SLC9A1: variants seen among roughly 807,000 people sequenced by gnomAD.
The protein encoded by SLC9A1 is solute carrier family 9 member A1.
SLC9A1 carries 22 observed loss-of-function variants against 67.9 expected under a neutral mutation model. The observed-to-expected ratio is 0.32, with a 90% CI of 0.23 to 0.46. The LOEUF is 0.46. Ranked by LOEUF, SLC9A1 falls within the 20% of genes least tolerant of loss-of-function variation. The probability of loss-of-function intolerance (pLI) is 1.00; values close to 1 mark genes in which losing one functional copy is unlikely to be tolerated. For synonymous variants in SLC9A1, 421 were observed against 471.8 expected (o/e 0.89, Z 1.40); for missense variants, 686 against 1,094.8 (o/e 0.63, Z 5.27).
At chr1:27,132,568 G>A (rs997793831) in intron 1 of SLC9A1, among the ~76,000 whole-genome samples, 1 of 152,148 alleles carries the variant, frequency 6.6e-6, no homozygotes, top group Non-Finnish European at 1.5e-5. Context: ...TCCTCACAGG[G>A]TCAGGTGAGG....
chr1:27,122,468 TGA>T (rs2083310535), intron 1 of SLC9A1, among the ~76,000 whole-genome samples: 1 of 152,018 alleles, frequency 6.6e-6, no homozygotes, highest in Admixed American at 6.6e-5. Flanking sequence ...AGCCTGGAAA[TGA>T]GAGTGAACAG....
intron 1 of SLC9A1, among the ~76,000 whole-genome samples, chr1:27,131,947 A>AAAAAAAAAAATATATATAT: frequency 1.9e-5 from 1 of 52,120 alleles, no homozygotes; most frequent in African/African-American, 6.4e-5. Flanking sequence ...AGAAAAAAAA[A>AAAAAAAAAAATATATATAT]ATATATATAT....
chr1:27,147,299 C>CAAAAAAAAAAAAAAAAAAAAAAA (rs57583944), intron 1 of SLC9A1, among the ~76,000 whole-genome samples: 1 of 43,942 alleles, frequency 2.3e-5, no homozygotes, highest in African/African-American at 1.0e-4. Context: ...GACTCTGTCT[C>CAAAAAAAAAAAAAAAAAAAAAAA]AAAAAAAAAA....
In SLC9A1 at chr1:27,101,453, G is replaced by A. The variant is rs2083144121; in HGVS notation, c.2038-178C>T. 6.6e-6 allele frequency among the ~76,000 whole-genome samples: 1 copy of A among 152,048 alleles called. No homozygotes were observed. Among genetic ancestry groups the A allele is most frequent in the South Asian group, 2.1e-4 (1 of 4,818 alleles). On this transcript the variant is annotated intron_variant, in intron 10 of 11. Coordinates refer to ENST00000263980, the MANE Select transcript of SLC9A1 (RefSeq NM_003047.5). The surrounding 1 kb of genome is among the most constrained non-coding windows in gnomAD (Gnocchi z 4.9). ...AGGAGCTCCTAAGGGCTCATCCCAGGCTCCTGTCACAGCCTCCCTGAATAC... is the reference window on the plus strand; with the variant it reads ...AGGAGCTCCTAAGGGCTCATCCCAGACTCCTGTCACAGCCTCCCTGAATAC...
chr1:27,121,653 G>A (rs750006015), intron 1 of SLC9A1, among the ~76,000 whole-genome samples: 1 of 152,114 alleles, frequency 6.6e-6, no homozygotes, highest in Admixed American at 6.5e-5. Context: ...AGCAACCCTG[G>A]CACTGGGTTA....
chr1:27,112,802 T>C (rs542830191), intron 2 of SLC9A1, among the ~76,000 whole-genome samples: 1 of 149,142 alleles, frequency 6.7e-6, no homozygotes, highest in Admixed American at 6.8e-5. Flanking sequence ...GAGAATTGCT[T>C]GAACCTGGGA....
chr1:27,131,256 C>T (rs956158059), intron 1 of SLC9A1, among the ~76,000 whole-genome samples: 12 of 151,946 alleles, frequency 7.9e-5, no homozygotes, highest in African/African-American at 1.2e-4. Flanking sequence ...ATGGTTCTAA[C>T]GAGCCCTGTC....
chr1:27,102,133 G>A lies in SLC9A1; in HGVS notation c.1821-3C>T, dbSNP rs372588349. On this transcript the variant is annotated splice_polypyrimidine_tract_variant and splice_region_variant and intron_variant, in intron 8 of 11. Coordinates refer to ENST00000263980, the MANE Select transcript of SLC9A1 (RefSeq NM_003047.5). ...GCAGGGACTTGGGGTGGATGTTCCT[G>A]GGGCAATAGGGCATCGGTTAGGTCC... The A allele has an allele frequency of 1.3e-4, 209 of 1,606,234 alleles. No individual in the cohort carries two copies. Among genetic ancestry groups the A allele is most frequent in the Non-Finnish European group, 1.7e-4 (201 of 1,173,088 alleles).
chr1:27,111,391 C>T (rs2083226719), intron 2 of SLC9A1, among the ~76,000 whole-genome samples: 1 of 152,284 alleles, frequency 6.6e-6, no homozygotes, highest in East Asian at 1.9e-4. Context: ...ATTTGAACCT[C>T]AGCTATATCA....
At chr1:27,141,908 T>C in intron 1 of SLC9A1, among the ~76,000 whole-genome samples, 1 of 152,166 alleles carries the variant, frequency 6.6e-6, no homozygotes, top group East Asian at 1.9e-4. Context: ...AAAGATGCTA[T>C]AAAAAGCACA....
chr1:27,132,511 C>A (rs1005630380), intron 1 of SLC9A1, among the ~76,000 whole-genome samples: 2 of 152,304 alleles, frequency 1.3e-5, no homozygotes, highest in South Asian at 2.1e-4. Context: ...TAGTTACTCT[C>A]TCTGGACATC....
intron 1 of SLC9A1, among the ~76,000 whole-genome samples, chr1:27,117,318 C>CTGT (rs1557743646): frequency 3.9e-5 from 6 of 152,242 alleles, no homozygotes; most frequent in Non-Finnish European, 7.3e-5. Context: ...TGCTGACCCC[C>CTGT]CTCCACAGCC....
At chr1:27,102,778 G>A (rs371584260) in intron 6 of SLC9A1, 35 bp from the exon 7 acceptor site, 286 of 1,592,628 alleles carry the variant, frequency 1.8e-4, no homozygotes, top group Non-Finnish European at 2.3e-4. Flanking sequence ...AAGCCTCGCT[G>A]TGGGGCGCCT....
Position 27,103,349 on chromosome 1 carries a change from C to T in SLC9A1, c.1486-37G>A, listed in dbSNP as rs762140027. On this transcript the variant is annotated intron_variant, in intron 5 of 11. Transcript: ENST00000263980. ...GCAGGTGTCAGGCACTCCAGTTCTG[C>T]TACCCAGGCAGGGAGGCCACAGAGC... The T allele has an allele frequency of 1.2e-5, 18 of 1,483,596 alleles. No individual in the cohort carries two copies. In the African/African-American group the frequency reaches 2.4e-4, roughly 19 times the overall value. The allele number at this position is 1,483,596 out of a possible 1,614,324, so 91.9% of individuals were successfully genotyped here. A position where few individuals can be genotyped will look rare whatever the true frequency, so the allele number is the denominator to read the frequency against.
intron 1 of SLC9A1, among the ~76,000 whole-genome samples, chr1:27,135,530 A>G (rs1412929031): frequency 1.3e-5 from 2 of 149,072 alleles, no homozygotes; most frequent in African/African-American, 5.1e-5. Flanking sequence ...TTCTGGAAAA[A>G]AAAAAAAAAA....
chr1:27,125,654 G>A (rs1355079952), intron 1 of SLC9A1, among the ~76,000 whole-genome samples: 4 of 151,792 alleles, frequency 2.6e-5, no homozygotes, highest in Admixed American at 6.6e-5. Flanking sequence ...GAGTGCAGTG[G>A]CGCAATCTTG....
chr1:27,108,062 ATTTT>A (rs1026584834), intron 3 of SLC9A1, among the ~76,000 whole-genome samples, 197 bp from the exon 4 acceptor site: 17 of 108,910 alleles, frequency 1.6e-4, no homozygotes, highest in Admixed American at 6.7e-4. Context: ...GTATTCCTCC[ATTTT>A]TTTTTTTTTT....
At position 27,154,423 on chromosome 1, in the gene SLC9A1, A is replaced by G; in HGVS notation, c.-89T>C. 1 of 749,502 alleles carries G rather than the reference A, an allele frequency of 1.3e-6. No homozygotes were observed. Among genetic ancestry groups the G allele is most frequent in the Non-Finnish European group, 2.1e-6 (1 of 471,482 alleles). The allele number at this position is 749,502 out of a possible 1,614,324, so 46.4% of individuals were successfully genotyped here. On this transcript the variant is annotated 5_prime_UTR_variant, in exon 1 of 12. Transcript: ENST00000263980. The stretch of plus-strand genomic sequence containing the variant: ...GCAAAGGGTCAGCAAGTGGGAAGAG[A>G]GACTGGCGTAGTCTCTAGGAAAAGT...
At position 27,154,199 on chromosome 1, in the gene SLC9A1, T is replaced by C. The variant is rs751683733; in HGVS notation, c.136A>G (p.Ile46Val). ...TCTCGTGGTGGCTCTGAGCTTCGAA[T>C]GGTGCTGGCAGTTGGGCTGAGCTGG... ...GLQLSPTAST[I>V]RSSEPPRERS... The change falls in exon 1 of 12, where the codon ATT becomes GTT. Residue 46 changes from isoleucine (I) to valine (V), a missense_variant. By Grantham distance (29) the Ile-to-Val change is conservative. Transcript: ENST00000263980. 2 of 1,613,956 alleles carry C rather than the reference T, an allele frequency of 1.2e-6. No homozygotes were observed. Among genetic ancestry groups the C allele is most frequent in the Non-Finnish European group, 1.7e-6 (2 of 1,179,992 alleles).
Sources: gnomAD v4.1 joint callset for allele counts (sites outside exome capture counted in the v4.1 genomes callset) on GRCh38, gnomAD v4.1.1 for gene constraint, Gnocchi (gnomAD v3.1) non-coding constraint, MANE v1.5 for transcripts, NCBI Gene and HGNC (gene_info 2026-07-23, HGNC 2026-07-21) for gene names.